The following ASAP2 variants were observed in gnomAD, a reference collection of about 807,000 sequenced individuals.
ASAP2 encodes the protein arf-GAP with SH3 domain, ANK repeat and PH domain-containing protein 2.
In ASAP2, 45 loss-of-function variants were observed where a neutral mutation model predicts 131.4. That is an observed-to-expected ratio of 0.34 (90% CI 0.27 to 0.44). The LOEUF (loss-of-function observed/expected upper bound fraction) is 0.44, where lower values mean the gene tolerates loss of function less well. ASAP2 is among the 20% of genes least tolerant of loss of function. ASAP2 has a pLI of 1.00. For missense variants in ASAP2, 1,011 were observed against 1,297.0 expected, an observed-to-expected ratio of 0.78 and a Z score of 3.39; for synonymous variants, 510 against 503.0, an observed-to-expected ratio of 1.01 and a Z score of -0.19.
intron 9 of ASAP2, among the ~76,000 whole-genome samples, chr2:9,338,907 G>T (rs965262883): frequency 1.3e-5 from 2 of 152,214 alleles, no homozygotes; most frequent in African/African-American, 4.8e-5. Flanking sequence ...GCCAGGCATG[G>T]TGGCTCACAG....
At chr2:9,255,150 T>A (rs1383589381) in intron 1 of ASAP2, among the ~76,000 whole-genome samples, 1 of 152,226 alleles carries the variant, frequency 6.6e-6, no homozygotes, top group Admixed American at 6.5e-5. Flanking sequence ...TAATTTATAT[T>A]TCCCTGGTAA....
At chr2:9,209,156 C>G (rs952020593) in intron 1 of ASAP2, among the ~76,000 whole-genome samples, 1 of 152,164 alleles carries the variant, frequency 6.6e-6, no homozygotes, top group East Asian at 1.9e-4. Flanking sequence ...ATGCTGCCGT[C>G]TAAGCCCAAG....
intron 3 of ASAP2, among the ~76,000 whole-genome samples, chr2:9,317,865 T>C (rs960710240): frequency 6.6e-6 from 1 of 151,422 alleles, no homozygotes; most frequent in Non-Finnish European, 1.5e-5. Context: ...ACACGATCAC[T>C]CATACCCACA....
Position 9,385,340 on chromosome 2 carries a change from C to T in ASAP2, c.2112C>T (p.Asp704=). ...AAGACCTGGATGAAAGTGATGACGA[C>T]ATGGATGAGAAATTGCAGGTCTGTG... The part of the protein sequence containing the change: ...LHEDLDESDD[D]MDEKLQPSPN... Residue 704 remains aspartate (D), a synonymous_variant, in exon 21 of 28, where the codon GAC becomes GAT. Transcript: ENST00000281419. 6.2e-7 allele frequency: 1 copy of T among 1,613,804 alleles called. No homozygotes were observed. Among genetic ancestry groups the T allele is most frequent in the Non-Finnish European group, 8.5e-7 (1 of 1,179,628 alleles).
intron 6 of ASAP2, 70 bp downstream of exon 6, chr2:9,323,320 C>T: frequency 6.3e-7 from 1 of 1,586,014 alleles, no homozygotes; most frequent in Non-Finnish European, 8.6e-7. Flanking sequence ...GTGGGAGCAT[C>T]TCACCGGTAC....
chr2:9,346,068 G>A (rs764795326), intron 11 of ASAP2, among the ~76,000 whole-genome samples: 3 of 151,988 alleles, frequency 2.0e-5, no homozygotes, highest in Non-Finnish European at 4.4e-5. Flanking sequence ...AGCTTTCACT[G>A]GTCATGTGAT....
intron 1 of ASAP2, among the ~76,000 whole-genome samples, chr2:9,257,722 C>T (rs1335939052): frequency 6.6e-6 from 1 of 152,074 alleles, no homozygotes; most frequent in Non-Finnish European, 1.5e-5. Context: ...GGTTTCACCA[C>T]GTTGGCTAGG....
rs140738565 is a variant in ASAP2, at chr2:9,329,930, T to C, written c.686+2019T>C. Among the ~76,000 whole-genome samples, 5 of 152,336 alleles carry C rather than the reference T, an allele frequency of 3.3e-5. No individual in the cohort carries two copies. The East Asian group carries it at 9.6e-4, about 29-fold the overall frequency. On this transcript the variant is annotated intron_variant, in intron 7 of 27. Transcript: ENST00000281419. ...TTTGGAATTCCTTTTCTTCCTCCTG[T>C]GTTGCCACCACACCGTCTGCTTGTC...
intron 5 of ASAP2, among the ~76,000 whole-genome samples, chr2:9,321,107 G>A (rs1262180094): frequency 6.6e-6 from 1 of 152,102 alleles, no homozygotes; most frequent in African/African-American, 2.4e-5. Flanking sequence ...GTGTCTTGGA[G>A]TGCTCTGAAT....
chr2:9,323,363 C>T (rs985870960), intron 6 of ASAP2, 113 bp downstream of exon 6: 3 of 1,451,806 alleles, frequency 2.1e-6, no homozygotes, highest in African/African-American at 1.4e-5. Context: ...ACATGCATTG[C>T]TGGACTCCCT....
intron 3 of ASAP2, among the ~76,000 whole-genome samples, chr2:9,306,824 T>C (rs1404062596): frequency 2.6e-5 from 4 of 152,112 alleles, no homozygotes; most frequent in African/African-American, 9.7e-5. Context: ...GCCCATATAC[T>C]CCAGGTTCCA....
At chr2:9,369,940 C>G (rs1673804940) in intron 16 of ASAP2, among the ~76,000 whole-genome samples, 1 of 152,244 alleles carries the variant, frequency 6.6e-6, no homozygotes, top group Non-Finnish European at 1.5e-5. Flanking sequence ...CTCCTGGGTT[C>G]GAGTGATTCT....
chr2:9,331,749 C>A (rs977688055), intron 7 of ASAP2, among the ~76,000 whole-genome samples: 1 of 151,368 alleles, frequency 6.6e-6, no homozygotes, highest in South Asian at 2.1e-4. Context: ...GCCTGGGCGA[C>A]AGAGCGATTT....
chr2:9,266,337 G>C (rs1665950023), intron 1 of ASAP2, among the ~76,000 whole-genome samples: 1 of 151,972 alleles, frequency 6.6e-6, no homozygotes. Flanking sequence ...TGTAGAGATG[G>C]GGTCTCACTG....
At chr2:9,397,828 T>G (rs1161211207) in intron 24 of ASAP2, among the ~76,000 whole-genome samples, 1 of 141,086 alleles carries the variant, frequency 7.1e-6, no homozygotes, top group Non-Finnish European at 1.5e-5. Context: ...GCTCGATCTC[T>G]GCTCATTGCA....
At chr2:9,262,451 G>C (rs941707545) in intron 1 of ASAP2, among the ~76,000 whole-genome samples, 23 of 152,174 alleles carry the variant, frequency 1.5e-4, no homozygotes, top group Admixed American at 1.5e-3. Context: ...GTGATCTCCT[G>C]TGAGGCAGGT....
rs1307046867 is a variant in ASAP2, at chr2:9,334,819, T to C, written c.762+6T>C. ...TGTCTACGGATCTTCACACGGTGAG[T>C]AGCTTCCCTCCCACTGTGGTTTAAA... On this transcript the variant is annotated splice_donor_region_variant and intron_variant, in intron 8 of 27. Transcript: ENST00000281419. 2 of 1,611,500 alleles carry C rather than the reference T, an allele frequency of 1.2e-6. No individual in the cohort carries two copies. Among genetic ancestry groups the C allele is most frequent in the East Asian group, 4.5e-5 (2 of 44,874 alleles).
At chr2:9,318,055 C>G (rs935215674) in intron 3 of ASAP2, among the ~76,000 whole-genome samples, 2 of 152,214 alleles carry the variant, frequency 1.3e-5, no homozygotes, top group African/African-American at 4.8e-5. Flanking sequence ...TTGCAGCAGA[C>G]AGAAGACTCT....
chr2:9,369,165 C>T (rs147449860), intron 16 of ASAP2, among the ~76,000 whole-genome samples: 6,424 of 152,148 alleles, frequency 0.042, 367 homozygotes, highest in African/African-American at 0.12. Flanking sequence ...ATTATAGGCA[C>T]ATGCCACCAC....
Sources: allele counts gnomAD v4.1 joint callset (sites outside exome capture counted in the v4.1 genomes callset), GRCh38; gene constraint gnomAD v4.1.1; transcripts MANE v1.5; gene names NCBI Gene and HGNC (gene_info 2026-07-23, HGNC 2026-07-21).